ABCG8: variants seen among roughly 807,000 people sequenced by gnomAD.
The protein encoded by ABCG8 is ATP-binding cassette sub-family G member 8.
In ABCG8, 81 loss-of-function variants were observed where a neutral mutation model predicts 71.3. That is an observed-to-expected ratio of 1.14 (90% CI 0.95 to 1.37). The LOEUF is 1.37. Ranked by LOEUF, ABCG8 falls within the 40% of genes most tolerant of loss-of-function variation. The pLI is 0.00. For synonymous variants in ABCG8, 451 were observed against 354.7 expected (o/e 1.27, Z -3.05); for missense variants, 1,119 against 866.2 (o/e 1.29, Z -3.66).
chr2:43,853,194 A>G (rs1257844130), intron 6 of ABCG8, among the ~76,000 whole-genome samples: 1 of 152,204 alleles, frequency 6.6e-6, no homozygotes, highest in Non-Finnish European at 1.5e-5. Context: ...CAGTAGGGAA[A>G]CAACCTTTAA....
rs1670062378 is a variant in ABCG8, at chr2:43,879,480, G to A, written c.*1567G>A. The A allele has an allele frequency of 6.6e-6, 1 of 152,186 alleles. No homozygotes were observed. The highest frequency in any genetic ancestry group is 6.5e-5 in the Admixed American group (1 of 15,270). The allele number at this position is 152,186 out of a possible 1,614,324, so 9.4% of individuals were successfully genotyped here. ...TGAGTCAGAGTCTGCGTCTTAAGAA[G>A]ACCCCCTGGTGATCTGTGCACATTC... is the stretch of plus-strand genomic sequence containing the variant. On this transcript the variant is annotated 3_prime_UTR_variant, in exon 13 of 13. Transcript: ENST00000272286.
chr2:43,839,598 G>T (rs944413881), intron 1 of ABCG8, among the ~76,000 whole-genome samples: 13 of 151,330 alleles, frequency 8.6e-5, no homozygotes, highest in Admixed American at 4.0e-4. Context: ...GGCAAATTTT[G>T]TATTTTTTAG....
chr2:43,877,160 A>C (rs1028761341), intron 11 of ABCG8, among the ~76,000 whole-genome samples: 4 of 150,066 alleles, frequency 2.7e-5, no homozygotes, highest in African/African-American at 9.9e-5. Flanking sequence ...CTGTGTGAAT[A>C]TGGGGAAGAC....
intron 8 of ABCG8, among the ~76,000 whole-genome samples, chr2:43,873,362 G>A (rs1462642527): frequency 2.0e-5 from 3 of 151,646 alleles, no homozygotes; most frequent in African/African-American, 7.3e-5. Context: ...CTAATTTTTT[G>A]TGTGTTTTTA....
intron 4 of ABCG8, 127 bp from the exon 5 acceptor site, chr2:43,852,227 G>C: frequency 1.5e-6 from 2 of 1,325,690 alleles, no homozygotes; most frequent in Non-Finnish European, 2.1e-6. Context: ...GAACTCAAGT[G>C]CTGGAGCTGT....
At chr2:43,849,125 T>C (rs1164300560) in intron 3 of ABCG8, among the ~76,000 whole-genome samples, 3 of 151,842 alleles carry the variant, frequency 2.0e-5, no homozygotes, top group African/African-American at 7.3e-5. Flanking sequence ...TTCCAATTGA[T>C]GAGTTTATTG....
intron 9 of ABCG8, 112 bp downstream of exon 9, chr2:43,874,098 C>T: frequency 1.7e-6 from 2 of 1,169,594 alleles, no homozygotes; most frequent in Non-Finnish European, 2.5e-6. Flanking sequence ...ATATATAAGA[C>T]AATAATGTTT....
intron 6 of ABCG8, among the ~76,000 whole-genome samples, chr2:43,857,632 T>C (rs1272220741): frequency 2.6e-5 from 4 of 151,826 alleles, no homozygotes; most frequent in Non-Finnish European, 5.9e-5. Flanking sequence ...ACCACCTAGA[T>C]AGAACTCTCA....
Position 43,872,287 on chromosome 2 carries a change from C to G in ABCG8, c.1192C>G (p.Gln398Glu), listed in dbSNP as rs748219341. 38 of 1,613,796 alleles carry G rather than the reference C, an allele frequency of 2.4e-5. No individual in the cohort carries two copies. Among genetic ancestry groups the G allele is most frequent in the Non-Finnish European group, 3.1e-5 (37 of 1,180,024 alleles). Residue 398 changes from glutamine (Q) to glutamate (E), a missense_variant, in exon 8 of 13, where the codon CAG (glutamine) becomes GAG (glutamate). By Grantham distance (29) the Gln-to-Glu change is conservative. Transcript: ENST00000272286. ...SPTKMPGAVQQFTTLIRRQIS... is the reference protein window; with the variant it reads ...SPTKMPGAVQEFTTLIRRQIS... ...TACGAAGATGCCTGGGGCGGTGCAG[C>G]AGTTTACGACGCTGATCCGGTAATT...
Position 43,875,409 on chromosome 2 carries a change from G to A in ABCG8, c.1752G>A (p.Trp584Ter), listed in dbSNP as rs754182905. The change falls in exon 11 of 13, where the codon TGG (tryptophan) becomes TGA (stop). Residue 584 changes from tryptophan to a stop codon, truncating the protein, a stop_gained. Coordinates refer to ENST00000272286, the MANE Select transcript of ABCG8 (RefSeq NM_022437.3). LOFTEE classifies it high-confidence loss of function. ...GGFMINLSSL[W>*]TVPAWISKVS... ...TCATGATAAACTTGAGCAGCCTGTG[G>A]ACAGGTAAGGCCTGCCCCCGGGGCC... is the stretch of plus-strand genomic sequence containing the variant. The A allele has an allele frequency of 9.9e-6, 16 of 1,613,680 alleles. No individual in the cohort carries two copies. Among genetic ancestry groups the A allele is most frequent in the Non-Finnish European group, 1.4e-5 (16 of 1,179,938 alleles).
chr2:43,863,736 C>T (rs1398472983), intron 6 of ABCG8, among the ~76,000 whole-genome samples: 1 of 151,330 alleles, frequency 6.6e-6, no homozygotes, highest in African/African-American at 2.4e-5. Flanking sequence ...ATAGAACTCT[C>T]ACTATCTGTC....
At chr2:43,841,974 T>G (rs760419837) in intron 1 of ABCG8, among the ~76,000 whole-genome samples, 4 of 151,446 alleles carry the variant, frequency 2.6e-5, no homozygotes, top group African/African-American at 4.8e-5. Context: ...AACAGCAAGA[T>G]GCATGTTAGC....
At chr2:43,874,744 A>T (rs535877998) in intron 10 of ABCG8, among the ~76,000 whole-genome samples, 1 of 152,204 alleles carries the variant, frequency 6.6e-6, no homozygotes, top group South Asian at 2.1e-4. Context: ...AGAAGTCCTC[A>T]TTGTATTTTA....
chr2:43,844,168 A>G (rs1668664607), intron 1 of ABCG8, among the ~76,000 whole-genome samples: 1 of 152,106 alleles, frequency 6.6e-6, no homozygotes, highest in Admixed American at 6.6e-5. Context: ...CAGAGCACAG[A>G]GGTTTTTTTA....
intron 6 of ABCG8, among the ~76,000 whole-genome samples, chr2:43,864,210 C>T (rs1384484380): frequency 6.6e-6 from 1 of 151,588 alleles, no homozygotes; most frequent in Admixed American, 6.6e-5. Flanking sequence ...AGAATTCCCA[C>T]GATCTGGATA....
At chr2:43,842,757 G>A (rs1668619973) in intron 1 of ABCG8, among the ~76,000 whole-genome samples, 1 of 147,208 alleles carries the variant, frequency 6.8e-6, no homozygotes, top group Non-Finnish European at 1.5e-5. Context: ...CCCCTCTCCT[G>A]AATTAGGTGT....
At chr2:43,852,911 C>A (rs750923321) in intron 6 of ABCG8, 43 bp downstream of exon 6, 1 of 1,606,426 alleles carries the variant, frequency 6.2e-7, no homozygotes. Flanking sequence ...GCACACAGGG[C>A]CTCCCCGATG....
chr2:43,856,013 T>A (rs1262480224), intron 6 of ABCG8, among the ~76,000 whole-genome samples: 1 of 152,090 alleles, frequency 6.6e-6, no homozygotes, highest in African/African-American at 2.4e-5. Flanking sequence ...ACTCTCACTA[T>A]CTGAATAGAA....
intron 6 of ABCG8, among the ~76,000 whole-genome samples, chr2:43,853,939 A>G (rs959616021): frequency 1.3e-5 from 2 of 152,080 alleles, no homozygotes; most frequent in Admixed American, 6.6e-5. Context: ...AACTCACAGA[A>G]AGGTCACCTC....
Sources: allele counts gnomAD v4.1 joint callset (sites outside exome capture counted in the v4.1 genomes callset), GRCh38; gene constraint gnomAD v4.1.1; transcripts MANE v1.5; gene names NCBI Gene and HGNC (gene_info 2026-07-23, HGNC 2026-07-21).